Variants in FOXA1 observed in about 807,000 individuals in gnomAD.
The protein encoded by FOXA1 is forkhead box A1, also known as hepatocyte nuclear factor 3-alpha.
FOXA1 carries 9 observed loss-of-function variants against 29.2 expected under a neutral mutation model. The ratio of observed to expected loss-of-function variants is 0.31; its 90% CI spans 0.19 to 0.54. The LOEUF (loss-of-function observed/expected upper bound fraction) is 0.54, where lower values mean the gene tolerates loss of function less well. Among genes scored for constraint, FOXA1 ranks in the 20% least tolerant of loss-of-function variants. The pLI, the probability that FOXA1 is intolerant of heterozygous loss-of-function variation, is 0.95. For missense variants in FOXA1, 644 were observed against 681.2 expected (o/e 0.95, Z 0.61); for synonymous variants, 340 against 300.9 (o/e 1.13, Z -1.34).
chr14:37,590,676 G>A lies in FOXA1; in HGVS notation c.*689C>T, dbSNP rs2095594667. On this transcript the variant is annotated 3_prime_UTR_variant, in exon 2 of 2. Transcript: ENST00000250448. The stretch of plus-strand genomic sequence containing the variant: ...CCTCTATATGTTATGTAAATATACG[G>A]AGGATGTCTACACATCTGAGCATGT... The A allele has an allele frequency of 4.3e-6, 1 of 230,476 alleles. No homozygotes were observed. Among genetic ancestry groups the A allele is most frequent in the Non-Finnish European group, 8.6e-6 (1 of 116,598 alleles). The allele number at this position is 230,476 out of a possible 1,614,324, so 14.3% of individuals were successfully genotyped here. A position where few individuals can be genotyped will look rare whatever the true frequency, so the allele number is the denominator to read the frequency against.
Position 37,591,933 on chromosome 14 carries a change from C to A in FOXA1, c.851G>T (p.Gly284Val). 13 of 1,496,708 alleles carry A rather than the reference C, an allele frequency of 8.7e-6. No homozygotes were observed. Among genetic ancestry groups the A allele is most frequent in the Non-Finnish European group, 1.2e-5 (13 of 1,126,820 alleles). The allele number at this position is 1,496,708 out of a possible 1,614,324, so 92.7% of individuals were successfully genotyped here. The change falls in exon 2 of 2, where the codon GGC becomes GTC. Residue 284 changes from glycine (G) to valine (V), a missense_variant. Coordinates refer to ENST00000250448, the MANE Select transcript of FOXA1 (RefSeq NM_004496.5). ...CTCAGGGCCGCCCTTGGCGCCGCTG[C>A]CCCCGCTTCCGCTCCCGCCCCCGCC... The part of the protein sequence containing the change: ...AGGGGGSGSG[G>V]SGAKGGPESR...
At position 37,594,952 on chromosome 14, in the gene FOXA1, C is replaced by T; in HGVS notation, c.21G>A (p.Met7Ile). The stretch of plus-strand genomic sequence containing the variant: ...TCCAGTCGCTGGTTTCATGCCCTTC[C>T]ATCTTCACAGTTCCTAACATCCTGG... Reference protein sequence around the residue: MLGTVKMEGHETSDWNS... With the variant: MLGTVKIEGHETSDWNS... The change falls in exon 1 of 2, where the codon ATG becomes ATA. Residue 7 changes from methionine (M) to isoleucine (I), a missense_variant. Met to Ile is a conservative substitution (Grantham distance 10). Around this residue, in one of 5 missense-constraint regions of FOXA1, gnomAD observed 309 missense variants for 307.0 expected, o/e 1.01. Coordinates refer to ENST00000250448, the MANE Select transcript of FOXA1 (RefSeq NM_004496.5). The T allele has an allele frequency of 6.3e-7, 1 of 1,578,378 alleles. No homozygotes were observed. The highest frequency in any genetic ancestry group is 8.6e-7 in the Non-Finnish European group (1 of 1,156,792).
In FOXA1 at chr14:37,595,022, G is replaced by C. The variant is rs751297881; in HGVS notation, c.-50C>G. The stretch of plus-strand genomic sequence containing the variant: ...ACCATCCAGCCCTGTGCGAAGCGAC[G>C]GGCGGCCGCGCGGCGCGGGGCGGGG... On this transcript the variant is annotated 5_prime_UTR_variant, in exon 1 of 2. Coordinates refer to ENST00000250448, the MANE Select transcript of FOXA1 (RefSeq NM_004496.5). 39 of 1,517,244 alleles carry C rather than the reference G, an allele frequency of 2.6e-5. No homozygotes were observed. The highest frequency in any genetic ancestry group is 3.6e-5 in the Admixed American group (2 of 55,038). 94.0% of individuals were successfully genotyped at this position (1,517,244 alleles called of 1,614,324 possible). A position where few individuals can be genotyped will look rare whatever the true frequency, so the allele number is the denominator to read the frequency against.
chr14:37,594,373 G>C, intron 1 of FOXA1: 2 of 1,055,976 alleles, frequency 1.9e-6, no homozygotes, highest in Non-Finnish European at 2.3e-6. Flanking sequence ...TTTAGAGAAG[G>C]AGCACACTTC....
rs2095594126 is a variant in FOXA1 at position 37,589,852 on chromosome 14, A to T, written c.*1513T>A. ...ACTCCTTTTTACTAGCTACACATTC[A>T]TTATAACAACAGACAAAACAATTTT... On this transcript the variant is annotated 3_prime_UTR_variant, in exon 2 of 2. Coordinates refer to ENST00000250448, the MANE Select transcript of FOXA1 (RefSeq NM_004496.5). The T allele has an allele frequency of 4.3e-6, 1 of 230,712 alleles. No individual in the cohort carries two copies. The highest frequency in any genetic ancestry group is 2.2e-5 in the African/African-American group (1 of 45,232). 14.3% of individuals were successfully genotyped at this position (230,712 alleles called of 1,614,324 possible).
Position 37,592,279 on chromosome 14 carries a change from C to A in FOXA1, c.505G>T (p.Ala169Ser), listed in dbSNP as rs2095596572. ...GAGATGTACGAGTAGGGCGGCTTGG[C>A]GTGCGGGTAGCTGCGCTTGAACGTC... ...AKTFKRSYPH[A>S]KPPYSYISLI... The change falls in exon 2 of 2, where the codon GCC (alanine) becomes TCC (serine). Residue 169 changes from alanine (A) to serine (S), a missense_variant. Physicochemically the swap from Ala to Ser is moderately conservative, Grantham distance 99 (BLOSUM62 1). Transcript: ENST00000250448. The A allele has an allele frequency of 6.2e-7, 1 of 1,613,138 alleles. No homozygotes were observed. The highest frequency in any genetic ancestry group is 1.1e-5 in the South Asian group (1 of 91,006).
chr14:37,591,604 A>T lies in FOXA1; in HGVS notation c.1180T>A (p.Tyr394Asn). Residue 394 changes from tyrosine to asparagine, a missense_variant, in exon 2 of 2, where the codon TAC (tyrosine) becomes AAC (asparagine). By Grantham distance (143) the Tyr-to-Asn change is moderately radical. This residue lies in a region of FOXA1 where 295 missense variants were observed against 294.4 expected (regional missense o/e 1.00). Coordinates refer to ENST00000250448, the MANE Select transcript of FOXA1 (RefSeq NM_004496.5). ...SQLHLKGDPH[Y>N]SFNHPFSINN... The stretch of plus-strand genomic sequence containing the variant: ...ATGGAGAACGGGTGGTTGAAGGAGT[A>T]GTGGGGGTCCCCTTTCAGGTGCAGC... 6.2e-7 allele frequency: 1 copy of T among 1,612,376 alleles called. No individual in the cohort carries two copies. Among genetic ancestry groups the T allele is most frequent in the African/African-American group, 1.3e-5 (1 of 75,052 alleles).
At position 37,591,864 on chromosome 14, in the gene FOXA1, G is replaced by A. The variant is rs1401881303; in HGVS notation, c.920C>T (p.Ser307Leu). 5.5e-6 allele frequency: 8 copies of A among 1,451,066 alleles called. No individual in the cohort carries two copies. The African/African-American group carries it at 5.7e-5, about 10-fold the overall frequency. The allele number at this position is 1,451,066 out of a possible 1,614,324, so 89.9% of individuals were successfully genotyped here. A position where few individuals can be genotyped will look rare whatever the true frequency, so the allele number is the denominator to read the frequency against. The change falls in exon 2 of 2, where the codon TCG becomes TTG. Residue 307 changes from serine (S) to leucine (L), a missense_variant. Around this residue, in one of 5 missense-constraint regions of FOXA1, gnomAD observed 295 missense variants for 294.4 expected, o/e 1.00. Coordinates refer to ENST00000250448, the MANE Select transcript of FOXA1 (RefSeq NM_004496.5). ...PSGASNPSAD[S>L]PLHRGVHGKT... Reference sequence around the variant, plus strand: ...CCCGTGCACACCCCGATGGAGGGGCGAGTCGGCGCTGGGGTTAGAGGCGCC... The same window carrying A: ...CCCGTGCACACCCCGATGGAGGGGCAAGTCGGCGCTGGGGTTAGAGGCGCC...
At chr14:37,594,108 G>C in intron 1 of FOXA1, 1 of 1,280,890 alleles carries the variant, frequency 7.8e-7, no homozygotes, top group Non-Finnish European at 1.0e-6. Context: ...CTCTTCCCAA[G>C]ATTATCCAAG....
rs1315928016 is a variant in FOXA1 at position 37,592,016 on chromosome 14, G to A, written c.768C>T (p.Asn256=). 1.9e-6 allele frequency: 3 copies of A among 1,605,868 alleles called. No homozygotes were observed. The highest frequency in any genetic ancestry group is 2.2e-5 in the East Asian group (1 of 44,630). The change falls in exon 2 of 2, where the codon AAC becomes AAT. Residue 256 remains asparagine, a synonymous_variant. Coordinates refer to ENST00000250448, the MANE Select transcript of FOXA1 (RefSeq NM_004496.5). Reference sequence around the variant, plus strand: ...GCTTCTGGCGGCGCAAGTAGCAGCCGTTCTCGAACATGTTGCCGGAGTCCG... The same window carrying A: ...GCTTCTGGCGGCGCAAGTAGCAGCCATTCTCGAACATGTTGCCGGAGTCCG... ...LHPDSGNMFE[N]GCYLRRQKRF...
Position 37,595,016 on chromosome 14 carries a change from A to T in FOXA1, c.-44T>A. ...AATACAACCATCCAGCCCTGTGCGA[A>T]GCGACGGGCGGCCGCGCGGCGCGGG... On this transcript the variant is annotated 5_prime_UTR_variant, in exon 1 of 2. Coordinates refer to ENST00000250448, the MANE Select transcript of FOXA1 (RefSeq NM_004496.5). 6.9e-7 allele frequency: 1 copy of T among 1,457,246 alleles called. No individual in the cohort carries two copies. The highest frequency in any genetic ancestry group is 9.3e-7 in the Non-Finnish European group (1 of 1,071,432). 90.3% of individuals were successfully genotyped at this position (1,457,246 alleles called of 1,614,324 possible). A position where few individuals can be genotyped will look rare whatever the true frequency, so the allele number is the denominator to read the frequency against.
rs1241769635 is a variant in FOXA1 at position 37,595,013 on chromosome 14, C to A, written c.-41G>T. The A allele has an allele frequency of 2.0e-6, 3 of 1,527,244 alleles. No individual in the cohort carries two copies. Among genetic ancestry groups the A allele is most frequent in the Admixed American group, 3.6e-5 (2 of 55,464 alleles). The allele number at this position is 1,527,244 out of a possible 1,614,324, so 94.6% of individuals were successfully genotyped here. Reference sequence around the variant, plus strand: ...CCCAATACAACCATCCAGCCCTGTGCGAAGCGACGGGCGGCCGCGCGGCGC... The same window carrying A: ...CCCAATACAACCATCCAGCCCTGTGAGAAGCGACGGGCGGCCGCGCGGCGC... On this transcript the variant is annotated 5_prime_UTR_variant, in exon 1 of 2. Coordinates refer to ENST00000250448, the MANE Select transcript of FOXA1 (RefSeq NM_004496.5).
chr14:37,592,862 C>T, intron 1 of FOXA1, 151 bp from the exon 2 acceptor site: 1 of 871,102 alleles, frequency 1.1e-6, no homozygotes, highest in Non-Finnish European at 1.9e-6. Context: ...GCTAAGCGCC[C>T]TCCCCAGACC....
At position 37,591,607 on chromosome 14, in the gene FOXA1, G is replaced by C. The variant is rs1177986037; in HGVS notation, c.1177C>G (p.His393Asp). The C allele has an allele frequency of 6.2e-7, 1 of 1,611,844 alleles. No individual in the cohort carries two copies. The highest frequency in any genetic ancestry group is 1.7e-5 in the Admixed American group (1 of 59,592). ...GAGAACGGGTGGTTGAAGGAGTAGT[G>C]GGGGTCCCCTTTCAGGTGCAGCTGG... ...ESQLHLKGDP[H>D]YSFNHPFSIN... Residue 393 changes from histidine (H) to aspartate (D), a missense_variant, in exon 2 of 2, where the codon CAC becomes GAC. Coordinates refer to ENST00000250448, the MANE Select transcript of FOXA1 (RefSeq NM_004496.5).
Position 37,595,142 on chromosome 14 carries a change from CGCG to C in FOXA1, c.-173_-171del, listed in dbSNP as rs546145599. The C allele has an allele frequency of 0.67, 120,253 of 178,414 alleles. 43,124 individuals are homozygous for C. The highest frequency in any genetic ancestry group is 0.84 in the East Asian group (4,293 of 5,138). The allele number at this position is 178,414 out of a possible 1,614,324, so 11.1% of individuals were successfully genotyped here. A position where few individuals can be genotyped will look rare whatever the true frequency, so the allele number is the denominator to read the frequency against. On this transcript the variant is annotated 5_prime_UTR_variant, in exon 1 of 2. Coordinates refer to ENST00000250448, the MANE Select transcript of FOXA1 (RefSeq NM_004496.5). ...GCCCAGAGCTGCGGGGCGCGGCGTG[CGCG>C]GCGGCGGCGGCGGCGCGGCGGGCGG...
Position 37,591,306 on chromosome 14 carries a change from GA to G in FOXA1, c.*58del. ...GGTTTGTGTGGTTTTGTTTGCTGTT[GA>G]TTTTTTCTCTCTTGCTACCAGCATG... On this transcript the variant is annotated 3_prime_UTR_variant, in exon 2 of 2. Transcript: ENST00000250448. 6.3e-7 allele frequency: 1 copy of G among 1,599,194 alleles called. No homozygotes were observed. The highest frequency in any genetic ancestry group is 8.5e-7 in the Non-Finnish European group (1 of 1,175,240).
intron 1 of FOXA1, chr14:37,594,361 G>A: frequency 9.3e-7 from 1 of 1,072,320 alleles, no homozygotes; most frequent in South Asian, 2.5e-5. Flanking sequence ...CCACCCAGCG[G>A]TTTTAGAGAA....
chr14:37,590,490 C>G lies in FOXA1; in HGVS notation c.*875G>C, dbSNP rs926922028. ...TTATGTGACCTCAGAATGACATGAC[C>G]ATGGCACTCTGCAAAGCAAGAAGCA... On this transcript the variant is annotated 3_prime_UTR_variant, in exon 2 of 2. Transcript: ENST00000250448. The G allele has an allele frequency of 1.8e-5, 4 of 227,342 alleles. No homozygotes were observed. Among genetic ancestry groups the G allele is most frequent in the African/African-American group, 8.9e-5 (4 of 44,992 alleles). 14.1% of individuals were successfully genotyped at this position (227,342 alleles called of 1,614,324 possible). A position where few individuals can be genotyped will look rare whatever the true frequency, so the allele number is the denominator to read the frequency against.
rs2139181447 is a variant in FOXA1, at chr14:37,591,953, C to A, written c.831G>T (p.Gly277=). ...CGCTGCCCCCGCTTCCGCTCCCGCC[C>A]CCGCCGCCGGCCCCCGGCTGCTTCT... ...KCEKQPGAGG[G]GGSGSGGSGA... is the part of the protein sequence containing the mutation. Residue 277 remains glycine, a synonymous_variant, in exon 2 of 2, where the codon GGG becomes GGT. Coordinates refer to ENST00000250448, the MANE Select transcript of FOXA1 (RefSeq NM_004496.5). The A allele has an allele frequency of 6.6e-7, 1 of 1,525,222 alleles. No homozygotes were observed. The highest frequency in any genetic ancestry group is 8.8e-7 in the Non-Finnish European group (1 of 1,139,568). 94.5% of individuals were successfully genotyped at this position (1,525,222 alleles called of 1,614,324 possible).
Sources: allele counts gnomAD v4.1 joint callset, GRCh38; gene constraint gnomAD v4.1.1; regional missense constraint gnomAD v4.1.1; transcripts MANE v1.5; gene names NCBI Gene and HGNC (gene_info 2026-07-23, HGNC 2026-07-21).